The following RAI2 variants were observed in gnomAD, a reference collection of about 807,000 sequenced individuals.
The protein encoded by RAI2 is retinoic acid induced 2.
Under a neutral mutation model 15.3 loss-of-function variants are expected in RAI2, and 5 were observed. The ratio of observed to expected loss-of-function variants is 0.33; its 90% CI spans 0.17 to 0.69. The LOEUF is 0.69. RAI2 is among the 30% of genes least tolerant of loss of function. RAI2 has a pLI of 0.69. For missense variants in RAI2, 424 were observed against 424.7 expected, an observed-to-expected ratio of 1.00 and a Z score of 0.01; for synonymous variants, 191 against 184.0, an observed-to-expected ratio of 1.04 and a Z score of -0.31.
At position 17,800,746 on chromosome X, in the gene RAI2, A is replaced by G; in HGVS notation, c.1265T>C (p.Val422Ala). ...CATCTCAATGTTATTTTCAGCCTTG[A>G]CTTCGCCGCTGGGGTGGTTGGGCTG... ...LSQPNHPSGE[V>A]KAENNIEMVG... The change falls in exon 2 of 2, where the codon GTC (valine) becomes GCC (alanine). Residue 422 changes from valine to alanine, a missense_variant. By Grantham distance (64) the Val-to-Ala change is moderately conservative. Transcript: ENST00000451717. 8.3e-7 allele frequency: 1 copy of G among 1,211,019 alleles called. No homozygotes were observed. Among genetic ancestry groups the G allele is most frequent in the Non-Finnish European group, 1.1e-6 (1 of 895,370 alleles).
intron 1 of RAI2, among the ~76,000 whole-genome samples, chrX:17,818,220 G>A (rs1479656773): frequency 8.9e-6 from 1 of 112,430 alleles, no homozygotes; most frequent in African/African-American, 3.2e-5. Flanking sequence ...CCTAAACCAA[G>A]GTTGATAAAA....
At chrX:17,849,664 T>C (rs1388119089) in intron 1 of RAI2, among the ~76,000 whole-genome samples, 1 of 112,618 alleles carries the variant, frequency 8.9e-6, no homozygotes, top group Non-Finnish European at 1.9e-5. Context: ...ACATTCTGCA[T>C]TGGCTAGGAT....
chrX:17,843,816 G>T (rs73447856), intron 1 of RAI2, among the ~76,000 whole-genome samples: 2,012 of 112,555 alleles, frequency 0.018, 41 homozygotes, highest in African/African-American at 0.06. Context: ...AACATGGTTT[G>T]TTAACTAAGA....
intron 1 of RAI2, among the ~76,000 whole-genome samples, chrX:17,828,163 G>A (rs759470780): frequency 5.4e-5 from 6 of 110,783 alleles, no homozygotes; most frequent in South Asian, 8.1e-4. Context: ...GTAGTGCTAC[G>A]GGTGGGTCAC....
chrX:17,810,882 T>C, intron 1 of RAI2, among the ~76,000 whole-genome samples: 1 of 112,992 alleles, frequency 8.9e-6, no homozygotes, highest in Middle Eastern at 4.7e-3. Flanking sequence ...GTGCCAGGCA[T>C]GCATCTCTTA....
At chrX:17,858,696 T>G (rs2067650086) in intron 1 of RAI2, among the ~76,000 whole-genome samples, 1 of 112,515 alleles carries the variant, frequency 8.9e-6, no homozygotes, top group African/African-American at 3.2e-5. Flanking sequence ...TACAAGATTT[T>G]GAAATGTGTC....
chrX:17,853,677 A>T (rs1035574247), intron 1 of RAI2, among the ~76,000 whole-genome samples: 79 of 110,791 alleles, frequency 7.1e-4, no homozygotes, highest in African/African-American at 8.6e-4. Flanking sequence ...TTTTTTTTTT[A>T]AAAAAAGGGA....
intron 1 of RAI2, among the ~76,000 whole-genome samples, chrX:17,819,008 T>G (rs1422701117): frequency 8.9e-6 from 1 of 111,913 alleles, no homozygotes; most frequent in Non-Finnish European, 1.9e-5. Flanking sequence ...GAGTGTTCCC[T>G]GCGCAGGGGC....
rs376278817 is a variant in RAI2, at chrX:17,837,813, C to A, written c.-25+23285G>T. ...TATTTTTTGCAAGCTCTATCTTTGTCAAATGCTATCACAGGCAACATTAAG... is the reference window on the plus strand; with the variant it reads ...TATTTTTTGCAAGCTCTATCTTTGTAAAATGCTATCACAGGCAACATTAAG... On this transcript the variant is annotated intron_variant, in intron 1 of 1. Transcript: ENST00000451717. 6 of 112,059 alleles carry A rather than the reference C, an allele frequency of 5.4e-5. No homozygotes were observed. In the East Asian group the frequency reaches 1.4e-3, roughly 26 times the overall value. 9.2% of individuals were successfully genotyped at this position (112,059 alleles called of 1,213,427 possible).
intron 1 of RAI2, among the ~76,000 whole-genome samples, chrX:17,809,977 A>ACCCCCC (rs1423879303): frequency 1.8e-5 from 2 of 109,102 alleles, no homozygotes; most frequent in East Asian, 6.4e-4. Flanking sequence ...TCACTATGGT[A>ACCCCCC]CCCAGGCTGG....
chrX:17,830,506 T>TG (rs1399091671), intron 1 of RAI2, among the ~76,000 whole-genome samples: 1 of 108,965 alleles, frequency 9.2e-6, no homozygotes, highest in African/African-American at 3.3e-5. Context: ...TTGTTGTTGT[T>TG]TTTTTTTTTA....
chrX:17,814,947 T>C (rs1408508185), intron 1 of RAI2, among the ~76,000 whole-genome samples: 1 of 109,159 alleles, frequency 9.2e-6, no homozygotes, highest in Non-Finnish European at 1.9e-5. Flanking sequence ...ATAATAATAA[T>C]AATAATAATA....
At position 17,801,062 on chromosome X, in the gene RAI2, G is replaced by A; in HGVS notation, c.949C>T (p.Leu317=). Residue 317 remains leucine, a synonymous_variant, in exon 2 of 2, where the codon CTG becomes TTG. Transcript: ENST00000451717. ...GGCACTGACTTCATGGAGAGATCCA[G>A]GGCCTCGTTCTCACTTCCCATCTTA... The part of the protein sequence containing the change: ...VIKMGSENEA[L]DLSMKSVPWL... 2 of 1,211,756 alleles carry A rather than the reference G, an allele frequency of 1.7e-6. No homozygotes were observed. Among genetic ancestry groups the A allele is most frequent in the Non-Finnish European group, 2.2e-6 (2 of 895,511 alleles).
At chrX:17,804,350 T>C (rs1395091326) in intron 1 of RAI2, among the ~76,000 whole-genome samples, 3 of 112,228 alleles carry the variant, frequency 2.7e-5, no homozygotes, top group African/African-American at 6.5e-5. Flanking sequence ...TTCATGGACA[T>C]TATACTCTAG....
intron 1 of RAI2, among the ~76,000 whole-genome samples, chrX:17,856,367 C>G (rs918441109): frequency 9.0e-6 from 1 of 111,407 alleles, no homozygotes; most frequent in African/African-American, 3.3e-5. Flanking sequence ...GAGAGTGGAG[C>G]CTTCATGAAT....
chrX:17,843,139 T>A (rs1281043942), intron 1 of RAI2, among the ~76,000 whole-genome samples: 1 of 111,683 alleles, frequency 9.0e-6, no homozygotes, highest in African/African-American at 3.3e-5. Flanking sequence ...TTTTTTTTTT[T>A]AAAGTGCTGA....
chrX:17,859,321 C>T (rs1473108151), intron 1 of RAI2, among the ~76,000 whole-genome samples: 2 of 111,812 alleles, frequency 1.8e-5, no homozygotes, highest in Non-Finnish European at 3.8e-5. Flanking sequence ...ATCCAGAAAA[C>T]GGTGGGAAAG....
intron 1 of RAI2, among the ~76,000 whole-genome samples, chrX:17,860,266 C>T (rs1432935313): frequency 4.4e-5 from 5 of 112,747 alleles, no homozygotes; most frequent in South Asian, 3.7e-4. Context: ...TTATCCTGAA[C>T]AATAGTCGGG....
At chrX:17,850,253 G>A (rs1021991621) in intron 1 of RAI2, among the ~76,000 whole-genome samples, 2 of 112,239 alleles carry the variant, frequency 1.8e-5, no homozygotes, top group African/African-American at 6.5e-5. Context: ...CCTGTGGAAC[G>A]GCAGCTGGGG....
Sources: gnomAD v4.1 joint callset for allele counts (sites outside exome capture counted in the v4.1 genomes callset) on GRCh38, gnomAD v4.1.1 for gene constraint, MANE v1.5 for transcripts, NCBI Gene and HGNC (gene_info 2026-07-23, HGNC 2026-07-21) for gene names.